The following PLD5 variants were observed in gnomAD, a reference collection of about 807,000 sequenced individuals.
PLD5 encodes the protein phospholipase D family member 5.
PLD5 carries 36 observed loss-of-function variants against 61.1 expected under a neutral mutation model. The observed-to-expected ratio is 0.59, with a 90% CI of 0.45 to 0.78. PLD5 has a LOEUF of 0.78. Among genes scored for constraint, PLD5 ranks in the 30% least tolerant of loss-of-function variants. The pLI is 0.00. For synonymous variants in PLD5, 243 were observed against 242.8 expected (o/e 1.00, Z -0.01); for missense variants, 515 against 644.4 (o/e 0.80, Z 2.17).
intron 5 of PLD5, among the ~76,000 whole-genome samples, chr1:242,142,723 TCTC>T (rs1558266434): frequency 6.0e-5 from 9 of 151,142 alleles, no homozygotes; most frequent in African/African-American, 1.7e-4. Context: ...TTTCTCTCTC[TCTC>T]TCTCTCTCTC....
At chr1:242,492,937 C>T (rs984546234) in intron 1 of PLD5, among the ~76,000 whole-genome samples, 1 of 152,130 alleles carries the variant, frequency 6.6e-6, no homozygotes, top group African/African-American at 2.4e-5. Flanking sequence ...CTTCCTAAAA[C>T]CATCACATGG....
chr1:242,267,150 G>C lies in PLD5; in HGVS notation c.496-1702C>G, dbSNP rs558607640. Among the ~76,000 whole-genome samples the C allele has an allele frequency of 3.7e-3, 561 of 149,874 alleles. 4 individuals carry two copies. Among genetic ancestry groups the C allele is most frequent in the African/African-American group, 0.013 (513 of 40,582 alleles). On this transcript the variant is annotated intron_variant, in intron 3 of 9. Coordinates refer to ENST00000536534, the MANE Select transcript of PLD5 (RefSeq NM_001372062.1). The stretch of plus-strand genomic sequence containing the variant: ...TAAATAAAAAAACAAAAAAAAAAGA[G>C]AGAGAAAAGAGAGAAAGGAAAGGAA...
At chr1:242,143,823 T>C (rs956272545) in intron 5 of PLD5, among the ~76,000 whole-genome samples, 5 of 152,050 alleles carry the variant, frequency 3.3e-5, no homozygotes, top group African/African-American at 7.2e-5. Context: ...TCAAATTTTA[T>C]ATTTTATTTC....
At chr1:242,396,673 C>CTTTTTTTTTTTTTTTTTTT (rs1202041198) in intron 1 of PLD5, among the ~76,000 whole-genome samples, 1 of 129,544 alleles carries the variant, frequency 7.7e-6, no homozygotes, top group Non-Finnish European at 1.7e-5. Context: ...CTTTTCTTTT[C>CTTTTTTTTTTTTTTTTTTT]TTTTTTTTTT....
At chr1:242,229,664 T>A (rs1386677649) in intron 4 of PLD5, among the ~76,000 whole-genome samples, 1 of 152,214 alleles carries the variant, frequency 6.6e-6, no homozygotes, top group African/African-American at 2.4e-5. Context: ...TTTTTATTTT[T>A]ATTTTCATTT....
intron 1 of PLD5, among the ~76,000 whole-genome samples, chr1:242,380,251 C>T (rs1293279228): frequency 6.6e-6 from 1 of 152,170 alleles, no homozygotes; most frequent in African/African-American, 2.4e-5. Flanking sequence ...ATGGGAAGCT[C>T]CTGGGAGTAA....
chr1:242,227,627 G>T (rs1157639753), intron 4 of PLD5, among the ~76,000 whole-genome samples: 3 of 152,282 alleles, frequency 2.0e-5, no homozygotes, highest in Middle Eastern at 3.4e-3. Flanking sequence ...GCCTCCCAAA[G>T]TGTTGGGATT....
chr1:242,395,008 T>TATATGA lies in PLD5; in HGVS notation c.190-46767_190-46766insTCATAT, dbSNP rs1225201208. Among the ~76,000 whole-genome samples the TATATGA allele has an allele frequency of 9.1e-3, 983 of 107,812 alleles. 51 individuals carry two copies. Among genetic ancestry groups the TATATGA allele is most frequent in the African/African-American group, 0.035 (947 of 26,940 alleles). The allele number at this position is 107,812 out of a possible 152,430, so 70.7% of individuals were successfully genotyped here. On this transcript the variant is annotated intron_variant, in intron 1 of 9. Transcript: ENST00000536534. ...ATATGAATATATATGTATATATGAATATATATGAATATATATGTATATATG... is the reference window on the plus strand; with the variant it reads ...ATATGAATATATATGTATATATGAATATATGAATATATGAATATATATGTATATATG...
At chr1:242,299,812 ATG>A (rs1275702429) in intron 2 of PLD5, among the ~76,000 whole-genome samples, 13 of 152,198 alleles carry the variant, frequency 8.5e-5, no homozygotes, top group African/African-American at 2.4e-4. Context: ...AATCTGTCTG[ATG>A]ATTTTGGGGT....
chr1:242,332,977 T>C (rs1008628535), intron 2 of PLD5, among the ~76,000 whole-genome samples: 66 of 152,132 alleles, frequency 4.3e-4, no homozygotes, highest in Admixed American at 3.3e-4. Context: ...CAGGAGGGGT[T>C]GCCTCAGGTG....
chr1:242,510,609 G>A (rs917843896), intron 1 of PLD5, among the ~76,000 whole-genome samples: 3 of 152,168 alleles, frequency 2.0e-5, no homozygotes, highest in Non-Finnish European at 4.4e-5. Flanking sequence ...ACTTTGGGAG[G>A]CCGAGGCGGG....
intron 1 of PLD5, among the ~76,000 whole-genome samples, chr1:242,390,017 A>T (rs542997966): frequency 1.7e-3 from 173 of 100,772 alleles, no homozygotes; most frequent in African/African-American, 6.6e-3. Flanking sequence ...AAATAATAAT[A>T]ATAATTATTA....
intron 1 of PLD5, among the ~76,000 whole-genome samples, chr1:242,394,848 G>A (rs1224672220): frequency 2.3e-5 from 3 of 128,366 alleles, no homozygotes; most frequent in East Asian, 4.3e-4. Context: ...ATATACATAT[G>A]TGAATATATA....
chr1:242,487,075 G>A (rs1012110544), intron 1 of PLD5, among the ~76,000 whole-genome samples: 3 of 151,266 alleles, frequency 2.0e-5, no homozygotes, highest in Admixed American at 6.6e-5. Flanking sequence ...GTGGCAGCAG[G>A]GGGGAGGGAT....
At position 242,276,410 on chromosome 1, in the gene PLD5, G is replaced by A. The variant is rs369541423; in HGVS notation, c.496-10962C>T. ...TATATATAAATTATATATACATATT[G>A]TATACATTTGTATATATACACAAAT... is the stretch of plus-strand genomic sequence containing the variant. On this transcript the variant is annotated intron_variant, in intron 3 of 9. Coordinates refer to ENST00000536534, the MANE Select transcript of PLD5 (RefSeq NM_001372062.1). Among the ~76,000 whole-genome samples the A allele has an allele frequency of 7.8e-5, 2 of 25,630 alleles. 1 individual carries two copies. Among genetic ancestry groups the A allele is most frequent in the South Asian group, 4.9e-3 (2 of 408 alleles). 16.8% of individuals were successfully genotyped at this position (25,630 alleles called of 152,430 possible). A position where few individuals can be genotyped will look rare whatever the true frequency, so the allele number is the denominator to read the frequency against.
At chr1:242,424,091 G>A (rs1325457003) in intron 1 of PLD5, among the ~76,000 whole-genome samples, 1 of 152,148 alleles carries the variant, frequency 6.6e-6, no homozygotes, top group Non-Finnish European at 1.5e-5. Context: ...CTCAGTGTTT[G>A]CATTATTGCT....
At chr1:242,435,513 C>T (rs1016075231) in intron 1 of PLD5, among the ~76,000 whole-genome samples, 1 of 152,148 alleles carries the variant, frequency 6.6e-6, no homozygotes, top group Non-Finnish European at 1.5e-5. Context: ...ATGGAGAAAA[C>T]ATGTGTTTTA....
rs184938226 is a variant in PLD5, at chr1:242,243,704, T to C, written c.607+21633A>G. Among the ~76,000 whole-genome samples, 3 of 152,274 alleles carry C rather than the reference T, an allele frequency of 2.0e-5. No homozygotes were observed. The East Asian group carries it at 5.8e-4, about 29-fold the overall frequency. Reference sequence around the variant, plus strand: ...GGCCAGATCCTGTCCAACTTGGCTCTACTATAGACAGAAGCCTCTCTGCTG... The same window carrying C: ...GGCCAGATCCTGTCCAACTTGGCTCCACTATAGACAGAAGCCTCTCTGCTG... On this transcript the variant is annotated intron_variant, in intron 4 of 9. Coordinates refer to ENST00000536534, the MANE Select transcript of PLD5 (RefSeq NM_001372062.1).
chr1:242,297,672 G>A (rs1327317831), intron 2 of PLD5, among the ~76,000 whole-genome samples: 7 of 131,374 alleles, frequency 5.3e-5, no homozygotes, highest in South Asian at 2.4e-4. Context: ...TCGCTCTGTC[G>A]CCCAGGCCGG....
Sources: gnomAD v4.1 joint callset for allele counts (sites outside exome capture counted in the v4.1 genomes callset) on GRCh38, gnomAD v4.1.1 for gene constraint, MANE v1.5 for transcripts, NCBI Gene and HGNC (gene_info 2026-07-23, HGNC 2026-07-21) for gene names.